TMEM18: variants seen among roughly 807,000 people sequenced by gnomAD.
The protein encoded by TMEM18 is transmembrane protein 18.
A neutral mutation model predicts 17.4 loss-of-function variants in TMEM18; 14 were observed. The observed-to-expected ratio is 0.80, with a 90% CI of 0.53 to 1.25. The LOEUF is 1.25. TMEM18 is among the 50% of genes most tolerant of loss of function. The pLI, the probability that TMEM18 is intolerant of heterozygous loss-of-function variation, is 0.00. For missense variants in TMEM18, 187 were observed against 172.1 expected (o/e 1.09, Z -0.48); for synonymous variants, 86 against 66.1 (o/e 1.30, Z -1.46).
intron 1 of TMEM18, chr2:676,131 A>G: frequency 7.5e-7 from 1 of 1,324,808 alleles, no homozygotes; most frequent in Non-Finnish European, 1.0e-6. Context: ...ATCTTGAGCC[A>G]TCGCCACGTG....
At position 668,373 on chromosome 2, in the gene TMEM18, C is replaced by A. The variant is rs548734035; in HGVS notation, c.*1207G>T. The A allele has an allele frequency of 6.6e-6, 1 of 152,338 alleles. No homozygotes were observed. Among genetic ancestry groups the A allele is most frequent in the Admixed American group, 6.5e-5 (1 of 15,310 alleles). 9.4% of individuals were successfully genotyped at this position (152,338 alleles called of 1,614,324 possible). On this transcript the variant is annotated 3_prime_UTR_variant, in exon 5 of 5. Coordinates refer to ENST00000281017, the MANE Select transcript of TMEM18 (RefSeq NM_152834.4). ...GTGAAGTCAAATATCTACACAACGGCCCTGGACAATGCTACAGGGAGGACA... is the reference window on the plus strand; with the variant it reads ...GTGAAGTCAAATATCTACACAACGGACCTGGACAATGCTACAGGGAGGACA...
At chr2:671,981 G>A (rs979947663) in intron 3 of TMEM18, among the ~76,000 whole-genome samples, 4 of 150,466 alleles carry the variant, frequency 2.7e-5, no homozygotes, top group Non-Finnish European at 5.9e-5. Flanking sequence ...GCTGAGCAGG[G>A]AGGAGCAAGG....
rs1308528831 is a variant in TMEM18, at chr2:665,509, CCACT to C, written c.*4067_*4070del. On this transcript the variant is annotated 3_prime_UTR_variant, in exon 5 of 5. Transcript: ENST00000281017. The stretch of plus-strand genomic sequence containing the variant: ...AACAGGACCCAGAGATGCAAACACC[CCACT>C]CACTCAGACAGAGAATCAACCCCAC... Among the ~76,000 whole-genome samples the C allele has an allele frequency of 2.0e-5, 3 of 150,674 alleles. No individual in the cohort carries two copies. The highest frequency in any genetic ancestry group is 2.9e-5 in the Non-Finnish European group (2 of 67,820).
rs1237529616 is a variant in TMEM18 at position 668,168 on chromosome 2, A to C, written c.*1412T>G. The C allele has an allele frequency of 6.6e-6, 1 of 152,190 alleles. No homozygotes were observed. The highest frequency in any genetic ancestry group is 1.9e-4 in the East Asian group (1 of 5,194). 9.4% of individuals were successfully genotyped at this position (152,190 alleles called of 1,614,324 possible). On this transcript the variant is annotated 3_prime_UTR_variant, in exon 5 of 5. Transcript: ENST00000281017. The stretch of plus-strand genomic sequence containing the variant: ...GAACTCCCTCTCTATTATGATAACA[A>C]CATAGGGGAAACCACCCCCATGATC...
intron 1 of TMEM18, chr2:676,173 T>C (rs548240312): frequency 2.2e-6 from 3 of 1,341,796 alleles, no homozygotes; most frequent in East Asian, 9.6e-5. Flanking sequence ...CTCTCTGCAA[T>C]ACACTGAACT....
rs1461173438 is a variant in TMEM18, at chr2:665,533, C to T, written c.*4047G>A. ...CCCACTCACTCAGACAGAGAATCAACCCCACATAAACTAGAACCCAGAGAT... is the reference window on the plus strand; with the variant it reads ...CCCACTCACTCAGACAGAGAATCAATCCCACATAAACTAGAACCCAGAGAT... On this transcript the variant is annotated 3_prime_UTR_variant, in exon 5 of 5. Coordinates refer to ENST00000281017, the MANE Select transcript of TMEM18 (RefSeq NM_152834.4). Among the ~76,000 whole-genome samples the T allele has an allele frequency of 6.7e-6, 1 of 149,790 alleles. No individual in the cohort carries two copies. The highest frequency in any genetic ancestry group is 1.5e-5 in the Non-Finnish European group (1 of 67,682).
At chr2:672,760 A>C (rs756225253) in intron 3 of TMEM18, 48 bp downstream of exon 3, 1 of 1,408,738 alleles carries the variant, frequency 7.1e-7, no homozygotes, top group Non-Finnish European at 9.3e-7. Context: ...GGCCATTCCC[A>C]GGGACACCCC....
intron 3 of TMEM18, 103 bp from the exon 4 acceptor site, chr2:669,953 G>A: frequency 1.1e-6 from 1 of 903,894 alleles, no homozygotes; most frequent in Non-Finnish European, 1.7e-6. Context: ...GATGTGGACT[G>A]AGGTGGGAGC....
chr2:674,971 C>T (rs1415650826), intron 2 of TMEM18, among the ~76,000 whole-genome samples: 1 of 152,238 alleles, frequency 6.6e-6, no homozygotes, highest in African/African-American at 2.4e-5. Context: ...CCGTCACCTG[C>T]TCCCTCTCTT....
chr2:677,265 G>A (rs376497580), intron 1 of TMEM18, 24 bp downstream of exon 1: 77 of 1,606,336 alleles, frequency 4.8e-5, no homozygotes, highest in Non-Finnish European at 6.1e-5. Context: ...CCCCGAACTG[G>A]TGGTTACGCG....
chr2:672,834 G>A lies in TMEM18; in HGVS notation c.207C>T (p.Ile69=). 6.7e-7 allele frequency: 1 copy of A among 1,488,644 alleles called. No homozygotes were observed. Among genetic ancestry groups the A allele is most frequent in the South Asian group, 1.4e-5 (1 of 70,746 alleles). The allele number at this position is 1,488,644 out of a possible 1,614,324, so 92.2% of individuals were successfully genotyped here. The change falls in exon 3 of 5, where the codon ATC becomes ATT. Residue 69 remains isoleucine (I), a synonymous_variant. Coordinates refer to ENST00000281017, the MANE Select transcript of TMEM18 (RefSeq NM_152834.4). ...LVILVYCAEY[I]NEAAAMNWRL... ...TCCAGTTCATCGCAGCCGCCTCATT[G>A]ATGTATTCAGCACAGTAGACTAAGA...
At chr2:675,182 A>T (rs1452533237) in intron 2 of TMEM18, among the ~76,000 whole-genome samples, 1 of 152,230 alleles carries the variant, frequency 6.6e-6, no homozygotes, top group Non-Finnish European at 1.5e-5. Flanking sequence ...CATTCAAAGC[A>T]GTGCATGAGC....
chr2:674,513 G>A (rs927082124), intron 2 of TMEM18, among the ~76,000 whole-genome samples: 3 of 152,274 alleles, frequency 2.0e-5, no homozygotes, highest in Admixed American at 6.5e-5. Context: ...ACTGGTGCTG[G>A]TGTCCCCCAG....
intron 3 of TMEM18, among the ~76,000 whole-genome samples, chr2:671,316 C>T (rs1182414372): frequency 6.6e-6 from 1 of 152,176 alleles, no homozygotes; most frequent in Non-Finnish European, 1.5e-5. Context: ...CCTGTGCCAG[C>T]CTCTGGACAA....
At position 669,224 on chromosome 2, in the gene TMEM18, TTTATTA is replaced by T. The variant is rs562802463; in HGVS notation, c.*350_*355del. 2 of 199,832 alleles carry T rather than the reference TTTATTA, an allele frequency of 1.0e-5. No homozygotes were observed. The highest frequency in any genetic ancestry group is 2.3e-5 in the African/African-American group (1 of 42,762). 12.4% of individuals were successfully genotyped at this position (199,832 alleles called of 1,614,324 possible). A position where few individuals can be genotyped will look rare whatever the true frequency, so the allele number is the denominator to read the frequency against. On this transcript the variant is annotated 3_prime_UTR_variant, in exon 5 of 5. Coordinates refer to ENST00000281017, the MANE Select transcript of TMEM18 (RefSeq NM_152834.4). ...TGGTGCCCATGTACAGGTGGCACTG[TTTATTA>T]TTGAGTTTCATATTTTATATTGTGT...
Position 669,547 on chromosome 2 carries a change from GGAA to G in TMEM18, c.*30_*32del. The G allele has an allele frequency of 6.2e-7, 1 of 1,609,026 alleles. No individual in the cohort carries two copies. Among genetic ancestry groups the G allele is most frequent in the Non-Finnish European group, 8.5e-7 (1 of 1,175,554 alleles). On this transcript the variant is annotated 3_prime_UTR_variant, in exon 5 of 5. Transcript: ENST00000281017. Reference sequence around the variant, plus strand: ...CACTGGGAGCTGCACTGGGTGGACGGGAAGGACGCAAACTCCAAGCAGCTGCTG... The same window carrying G: ...CACTGGGAGCTGCACTGGGTGGACGGGGACGCAAACTCCAAGCAGCTGCTG...
At position 677,334 on chromosome 2, in the gene TMEM18, G is replaced by C. The variant is rs997638842; in HGVS notation, c.12C>G (p.Ala4=). The change falls in exon 1 of 5, where the codon GCC becomes GCG. Residue 4 remains alanine (A), a synonymous_variant. Coordinates refer to ENST00000281017, the MANE Select transcript of TMEM18 (RefSeq NM_152834.4). ...TGACGGGGAAAGAGCTGACAGAGAA[G>C]GCGGACGGCATGGTGTTGGGAAGCC... The part of the protein sequence containing the change: MPS[A]FSVSSFPVSI... 1 of 1,612,458 alleles carries C rather than the reference G, an allele frequency of 6.2e-7. No individual in the cohort carries two copies. Among genetic ancestry groups the C allele is most frequent in the Non-Finnish European group, 8.5e-7 (1 of 1,179,844 alleles).
rs1273587641 is a variant in TMEM18 at position 677,145 on chromosome 2, A to C, written c.57+144T>G. On this transcript the variant is annotated intron_variant, in intron 1 of 4. Transcript: ENST00000281017. ...CCGAGCCACTCCCACAGGTCTCAGGACCCTGCCCAGCGCGCGCGCTCCGCC... is the reference window on the plus strand; with the variant it reads ...CCGAGCCACTCCCACAGGTCTCAGGCCCCTGCCCAGCGCGCGCGCTCCGCC... The C allele has an allele frequency of 8.5e-6, 9 of 1,057,030 alleles. No homozygotes were observed. In the East Asian group the frequency reaches 2.4e-4, roughly 28 times the overall value. 65.5% of individuals were successfully genotyped at this position (1,057,030 alleles called of 1,614,324 possible). A position where few individuals can be genotyped will look rare whatever the true frequency, so the allele number is the denominator to read the frequency against.
chr2:675,758 C>G (rs1236984077), intron 1 of TMEM18, 128 bp from the exon 2 acceptor site: 1 of 1,535,908 alleles, frequency 6.5e-7, no homozygotes, highest in Non-Finnish European at 8.7e-7. Flanking sequence ...GGCTACTCAC[C>G]AAGTATCCAG....
Sources: gnomAD v4.1 joint callset for allele counts (sites outside exome capture counted in the v4.1 genomes callset) on GRCh38, gnomAD v4.1.1 for gene constraint, MANE v1.5 for transcripts, NCBI Gene and HGNC (gene_info 2026-07-23, HGNC 2026-07-21) for gene names.